C4orf50: variants seen among roughly 807,000 people sequenced by gnomAD.
The protein encoded by C4orf50 is chromosome 4 open reading frame 50, also known as uncharacterized protein C4orf50.
Under a neutral mutation model 77.2 loss-of-function variants are expected in C4orf50, and 80 were observed. The observed-to-expected ratio is 1.04, with a 90% CI of 0.87 to 1.25. C4orf50 has a LOEUF of 1.25. C4orf50 is among the 50% of genes most tolerant of loss of function. C4orf50 has a pLI of 0.00. For synonymous variants in C4orf50, 532 were observed against 465.3 expected (o/e 1.14, Z -1.84); for missense variants, 1,257 against 1,152.9 (o/e 1.09, Z -1.31).
At chr4:5,925,762 G>A (rs1717486561) in intron 7 of C4orf50, among the ~76,000 whole-genome samples, 1 of 152,252 alleles carries the variant, frequency 6.6e-6, no homozygotes. Flanking sequence ...CCAGGGTTTG[G>A]GAGCGAGGAC....
At chr4:5,996,596 A>G (rs1046752458) in intron 25 of C4orf50, among the ~76,000 whole-genome samples, 1 of 152,168 alleles carries the variant, frequency 6.6e-6, no homozygotes, top group African/African-American at 2.4e-5. Context: ...CCGATCTTTA[A>G]TGAGGCCTTC....
intron 25 of C4orf50, among the ~76,000 whole-genome samples, chr4:5,995,474 A>AACACAC (rs55858229): frequency 0.069 from 9,307 of 133,940 alleles, 396 homozygotes; most frequent in African/African-American, 0.085. Flanking sequence ...TGGGACTGGA[A>AACACAC]ACACACACAC....
intron 31 of C4orf50, among the ~76,000 whole-genome samples, chr4:5,968,297 C>T (rs1258548016): frequency 6.6e-6 from 1 of 152,206 alleles, no homozygotes; most frequent in African/African-American, 2.4e-5. Flanking sequence ...AGCCACTTGC[C>T]TCTCGCACAG....
At chr4:6,001,112 T>C (rs1256323826) in intron 25 of C4orf50, among the ~76,000 whole-genome samples, 1 of 152,228 alleles carries the variant, frequency 6.6e-6, no homozygotes, top group Non-Finnish European at 1.5e-5. Context: ...GCCATGGTTT[T>C]AGACTGCTGG....
At chr4:5,998,397 T>C (rs542180674) in intron 25 of C4orf50, among the ~76,000 whole-genome samples, 2 of 152,360 alleles carry the variant, frequency 1.3e-5, no homozygotes, top group African/African-American at 4.8e-5. Context: ...TCTTGCTTGC[T>C]GCTGGAGAGA....
In C4orf50 at chr4:5,965,234, C is replaced by A. The variant is rs950475771; in HGVS notation, c.4154-89G>T. 61 of 1,343,096 alleles carry A rather than the reference C, an allele frequency of 4.5e-5. 1 individual carries two copies. In the Admixed American group the frequency reaches 1.0e-3, roughly 23 times the overall value. The allele number at this position is 1,343,096 out of a possible 1,614,324, so 83.2% of individuals were successfully genotyped here. On this transcript the variant is annotated intron_variant, in intron 32 of 33. Coordinates refer to ENST00000531445, the Ensembl canonical transcript of C4orf50. Reference sequence around the variant, plus strand: ...CTGAGCCTTGTCATAACCTTCTTCACTCTCTAGCCATTCCCAGATCATTCC... The same window carrying A: ...CTGAGCCTTGTCATAACCTTCTTCAATCTCTAGCCATTCCCAGATCATTCC...
At chr4:5,993,049 G>A (rs1398883369) in intron 26 of C4orf50, 119 bp from the exon 5 acceptor site, 1 of 390,810 alleles carries the variant, frequency 2.6e-6, no homozygotes, top group Non-Finnish European at 4.5e-6. Flanking sequence ...ACCCCCGACT[G>A]TGAGCCTCCC....
intron 7 of C4orf50, among the ~76,000 whole-genome samples, chr4:5,926,506 A>G (rs1417225278): frequency 6.6e-6 from 1 of 152,136 alleles, no homozygotes; most frequent in South Asian, 2.1e-4. Context: ...GACGATGAAA[A>G]CGTTCTGAAA....
chr4:5,972,585 C>A (rs1371129314), intron 31 of C4orf50, among the ~76,000 whole-genome samples: 1 of 152,198 alleles, frequency 6.6e-6, no homozygotes, highest in Non-Finnish European at 1.5e-5. Flanking sequence ...GAGGGGACCT[C>A]TCAAGGCTGT....
intron 7 of C4orf50, among the ~76,000 whole-genome samples, chr4:5,921,271 A>C (rs1022001059): frequency 3.9e-5 from 6 of 152,114 alleles, no homozygotes; most frequent in Non-Finnish European, 5.9e-5. Flanking sequence ...ATAAATCTGC[A>C]TTGCTCAGTC....
At chr4:5,950,891 A>G (rs973041803) in intron 7 of C4orf50, among the ~76,000 whole-genome samples, 4 of 152,202 alleles carry the variant, frequency 2.6e-5, no homozygotes, top group Non-Finnish European at 4.4e-5. Context: ...GAATGAATGG[A>G]TGGGTGGATG....
At chr4:5,910,972 C>A (rs1716781615) in intron 7 of C4orf50, among the ~76,000 whole-genome samples, 1 of 129,790 alleles carries the variant, frequency 7.7e-6, no homozygotes, top group African/African-American at 2.9e-5. Flanking sequence ...GTGGTGTGAA[C>A]TTGGCTCACT....
At chr4:5,949,846 G>A (rs10021769) in intron 7 of C4orf50, among the ~76,000 whole-genome samples, 67,035 of 151,864 alleles carry the variant, frequency 0.44, 16,663 homozygotes, top group African/African-American at 0.67. Flanking sequence ...ACAACTAACC[G>A]GGCATGGTGG....
rs538599011 is a variant in C4orf50 at position 6,007,156 on chromosome 4, G to T, written c.963+840C>A. On this transcript the variant is annotated intron_variant, in intron 25 of 33. Transcript: ENST00000531445. This position sits in a 1 kb window ranked among gnomAD's most constrained non-coding sequence, Gnocchi z 4.1. ...GGCTGCCTGACCAGTGGCCAGAGGG[G>T]TAGATAGATGAACACATGGTGTGGT... Among the ~76,000 whole-genome samples, 187 of 152,276 alleles carry T rather than the reference G, an allele frequency of 1.2e-3. 2 individuals carry two copies. The highest frequency in any genetic ancestry group is 1.2e-4 in the Non-Finnish European group (8 of 68,008).
intron 33 of C4orf50, among the ~76,000 whole-genome samples, chr4:5,960,431 C>G (rs942136200): frequency 5.9e-5 from 9 of 152,204 alleles, no homozygotes; most frequent in Non-Finnish European, 1.3e-4. Context: ...AGAATGGAGC[C>G]GACTTCTCCA....
At chr4:6,003,487 G>A (rs1361900729) in intron 25 of C4orf50, among the ~76,000 whole-genome samples, 8 of 143,206 alleles carry the variant, frequency 5.6e-5, no homozygotes, top group Non-Finnish European at 1.1e-4. Flanking sequence ...TGGTCATGGT[G>A]ATGGTGATGT....
chr4:5,922,942 A>C (rs955182490), intron 7 of C4orf50, among the ~76,000 whole-genome samples: 1 of 152,200 alleles, frequency 6.6e-6, no homozygotes, highest in Non-Finnish European at 1.5e-5. Flanking sequence ...CTTCTCTCCC[A>C]GCTGCCCTAA....
chr4:5,903,894 C>A (rs1013183637), intron 7 of C4orf50: 7 of 152,144 alleles, frequency 4.6e-5, no homozygotes, highest in African/African-American at 1.4e-4. Flanking sequence ...AAATGTAAGC[C>A]AAACATGATA....
At chr4:5,943,199 G>A (rs920179542) in intron 7 of C4orf50, among the ~76,000 whole-genome samples, 4 of 152,170 alleles carry the variant, frequency 2.6e-5, no homozygotes, top group African/African-American at 7.2e-5. Flanking sequence ...GTGATGCTAC[G>A]TGTCCGTTAG....
Sources: allele counts gnomAD v4.1 joint callset (sites outside exome capture counted in the v4.1 genomes callset), GRCh38; gene constraint gnomAD v4.1.1; non-coding constraint Gnocchi (gnomAD v3.1); transcripts MANE v1.5; gene names NCBI Gene and HGNC (gene_info 2026-07-23, HGNC 2026-07-21).